The following SRGAP3 variants were observed in gnomAD, a reference collection of about 807,000 sequenced individuals.
SRGAP3 encodes the protein SLIT-ROBO Rho GTPase activating protein 3, also known as SLIT-ROBO Rho GTPase-activating protein 3.
In SRGAP3, 39 loss-of-function variants were observed where a neutral mutation model predicts 121.1. That is an observed-to-expected ratio of 0.32 (90% CI 0.25 to 0.42). The LOEUF is 0.42. SRGAP3 is among the 10% of genes least tolerant of loss of function. The pLI is 1.00. For missense variants in SRGAP3, 1,213 were observed against 1,470.6 expected (o/e 0.82, Z 2.86); for synonymous variants, 601 against 570.0 (o/e 1.05, Z -0.77).
At chr3:9,073,875 A>T (rs1484504408) in intron 4 of SRGAP3, among the ~76,000 whole-genome samples, 1 of 152,236 alleles carries the variant, frequency 6.6e-6, no homozygotes, top group Non-Finnish European at 1.5e-5. Context: ...ATTGATGGCT[A>T]AAAGGTCTCT....
intron 17 of SRGAP3, among the ~76,000 whole-genome samples, chr3:9,010,595 A>T (rs1045400696): frequency 6.6e-6 from 1 of 151,708 alleles, no homozygotes; most frequent in Admixed American, 6.6e-5. Flanking sequence ...AGCTTCCCAA[A>T]TATCTCCCCC....
intron 3 of SRGAP3, among the ~76,000 whole-genome samples, chr3:9,284,427 C>A (rs1954731717): frequency 1.3e-5 from 2 of 152,230 alleles, no homozygotes; most frequent in South Asian, 4.1e-4. Context: ...AGTTTGGTGT[C>A]ACCACCTTGC....
In SRGAP3 at chr3:8,994,503, T is replaced by C. The variant is rs745565641; in HGVS notation, c.2248A>G (p.Ile750Val). ...CGCCCCATGTAGTCAAACTTGGCAA[T>C]AGCCTCGATCTGCTCCACTTCTGGA... ...SDEEVEQIEA[I>V]AKFDYMGRSP... Residue 750 changes from isoleucine (I) to valine (V), a missense_variant, in exon 19 of 22, where the codon ATT becomes GTT. Around this residue, in one of 2 missense-constraint regions of SRGAP3, gnomAD observed 793 missense variants for 1,032.9 expected, o/e 0.77. Coordinates refer to ENST00000383836, the MANE Select transcript of SRGAP3 (RefSeq NM_014850.4). 28 of 1,613,794 alleles carry C rather than the reference T, an allele frequency of 1.7e-5. 1 individual carries two copies. In the Admixed American group the frequency reaches 3.5e-4, roughly 20 times the overall value.
intron 1 of SRGAP3, among the ~76,000 whole-genome samples, chr3:9,168,328 T>C (rs1371500396): frequency 1.3e-5 from 2 of 152,216 alleles, no homozygotes; most frequent in Non-Finnish European, 2.9e-5. Context: ...TCGTCTCTGC[T>C]GTTAGCAACT....
intron 1 of SRGAP3, among the ~76,000 whole-genome samples, chr3:9,188,353 A>G (rs1487331506): frequency 6.6e-6 from 1 of 152,230 alleles, no homozygotes; most frequent in African/African-American, 2.4e-5. Context: ...TTGTTATGTT[A>G]CACAATTATA....
At chr3:8,986,417 A>G (rs780834656) in intron 21 of SRGAP3, among the ~76,000 whole-genome samples, 2 of 152,210 alleles carry the variant, frequency 1.3e-5, no homozygotes, top group Non-Finnish European at 2.9e-5. Flanking sequence ...AGCAATAGCA[A>G]TAATAGCTAA....
At chr3:9,324,475 T>A (rs775420274) in intron 3 of SRGAP3, among the ~76,000 whole-genome samples, 2 of 151,908 alleles carry the variant, frequency 1.3e-5, no homozygotes, top group Non-Finnish European at 2.9e-5. Flanking sequence ...CTCCCTATGC[T>A]GGAACATCCT....
chr3:9,124,671 C>T, intron 2 of SRGAP3, 54 bp downstream of exon 2: 1 of 1,609,546 alleles, frequency 6.2e-7, no homozygotes, highest in Non-Finnish European at 8.5e-7. Flanking sequence ...CACCAACTGT[C>T]CGCCCACCCC....
chr3:9,354,395 G>A (rs2125296107), intron 1 of SRGAP3, among the ~76,000 whole-genome samples: 2 of 152,074 alleles, frequency 1.3e-5, no homozygotes, highest in African/African-American at 4.8e-5. Flanking sequence ...GAATAGGCAA[G>A]GAGGCCGGGC....
chr3:9,000,428 TCCATCC>T (rs567325062), intron 18 of SRGAP3, among the ~76,000 whole-genome samples: 240 of 152,296 alleles, frequency 1.6e-3, no homozygotes, highest in Non-Finnish European at 2.6e-3. Context: ...TGCCATTGTC[TCCATCC>T]CCAGTCTCAG....
intron 7 of SRGAP3, among the ~76,000 whole-genome samples, chr3:9,057,200 T>A (rs754358518): frequency 2.6e-5 from 4 of 152,102 alleles, no homozygotes; most frequent in Non-Finnish European, 5.9e-5. Context: ...AGTGCTGGGA[T>A]TACAGACGTG....
chr3:9,118,117 G>T lies in SRGAP3; in HGVS notation c.260+6608C>A, dbSNP rs567886872. On this transcript the variant is annotated intron_variant, in intron 2 of 21. Transcript: ENST00000383836. ...ACTACATTCCAGCTTGGGCGACAGG[G>T]TGAGACTCTGTCTCAAAAATAAGTA... Among the ~76,000 whole-genome samples the T allele has an allele frequency of 8.5e-5, 13 of 152,238 alleles. No individual in the cohort carries two copies. In the South Asian group the frequency reaches 2.7e-3, roughly 32 times the overall value.
At chr3:9,104,600 C>A in intron 3 of SRGAP3, 80 bp downstream of exon 3, 1 of 1,584,652 alleles carries the variant, frequency 6.3e-7, no homozygotes, top group South Asian at 1.1e-5. Flanking sequence ...CAAACCACAT[C>A]CCACCCTGGC....
chr3:9,063,124 CTTTTTTTTTTTT>C (rs766958753), intron 5 of SRGAP3, among the ~76,000 whole-genome samples: 2 of 79,982 alleles, frequency 2.5e-5, no homozygotes, highest in Admixed American at 2.9e-4. Flanking sequence ...TAGAGACAAT[CTTTTTTTTTTTT>C]TTTTTTTTTT....
chr3:9,212,546 C>T (rs1154393), intron 1 of SRGAP3, among the ~76,000 whole-genome samples: 49,289 of 134,184 alleles, frequency 0.37, 8,458 homozygotes, highest in Middle Eastern at 0.43. Flanking sequence ...ATGGTGAAAC[C>T]TCTACTAAAA....
At chr3:9,203,298 T>C (rs895975971) in intron 1 of SRGAP3, among the ~76,000 whole-genome samples, 5 of 152,252 alleles carry the variant, frequency 3.3e-5, no homozygotes, top group African/African-American at 1.2e-4. Flanking sequence ...ACTTGGATTC[T>C]AGTGCTAACT....
At chr3:9,290,711 G>T (rs2125270093) in intron 3 of SRGAP3, among the ~76,000 whole-genome samples, 1 of 152,298 alleles carries the variant, frequency 6.6e-6, no homozygotes, top group African/African-American at 2.4e-5. Flanking sequence ...GTGAGTGTTA[G>T]AAGGGGGGAA....
chr3:9,331,068 G>C (rs1223888982), intron 1 of SRGAP3, among the ~76,000 whole-genome samples: 1 of 152,088 alleles, frequency 6.6e-6, no homozygotes, highest in African/African-American at 2.4e-5. Context: ...ACTAAATCTG[G>C]GCAGTAAGAT....
At chr3:9,014,582 G>T (rs540451159) in intron 15 of SRGAP3, among the ~76,000 whole-genome samples, 21 of 152,330 alleles carry the variant, frequency 1.4e-4, no homozygotes, top group Non-Finnish European at 2.8e-4. Flanking sequence ...GGAAACACTG[G>T]CTGAGCAAGT....
Sources: gnomAD v4.1 joint callset for allele counts (sites outside exome capture counted in the v4.1 genomes callset) on GRCh38, gnomAD v4.1.1 for gene constraint, gnomAD v4.1.1 regional missense constraint, MANE v1.5 for transcripts, NCBI Gene and HGNC (gene_info 2026-07-23, HGNC 2026-07-21) for gene names.